FARSB: variants seen among roughly 807,000 people sequenced by gnomAD.
FARSB encodes the protein phenylalanyl-tRNA synthetase subunit beta, also known as phenylalanine--tRNA ligase beta subunit.
A neutral mutation model predicts 69.6 loss-of-function variants in FARSB; 40 were observed. The observed-to-expected ratio is 0.57, with a 90% CI of 0.45 to 0.75. FARSB has a LOEUF of 0.75. FARSB is among the 30% of genes least tolerant of loss of function. FARSB has a pLI of 0.00. For synonymous variants in FARSB, 235 were observed against 247.2 expected (o/e 0.95, Z 0.46); for missense variants, 632 against 722.9 (o/e 0.87, Z 1.44).
intron 15 of FARSB, among the ~76,000 whole-genome samples, chr2:222,604,304 T>G (rs1690646266): frequency 6.6e-6 from 1 of 152,180 alleles, no homozygotes; most frequent in Non-Finnish European, 1.5e-5. Flanking sequence ...TTGTGAAACT[T>G]AAGAATTCCA....
At chr2:222,603,161 T>C (rs1690608165) in intron 15 of FARSB, among the ~76,000 whole-genome samples, 1 of 152,172 alleles carries the variant, frequency 6.6e-6, no homozygotes, top group Admixed American at 6.5e-5. Context: ...ATAGAACGAA[T>C]GCTGGCCTCA....
chr2:222,637,233 C>T (rs529271638), intron 5 of FARSB, among the ~76,000 whole-genome samples: 8 of 152,154 alleles, frequency 5.3e-5, no homozygotes, highest in Non-Finnish European at 8.8e-5. Flanking sequence ...CAATAAAGGG[C>T]AGCAATCCCT....
chr2:222,628,741 G>T, intron 10 of FARSB, 96 bp downstream of exon 10: 1 of 796,290 alleles, frequency 1.3e-6, no homozygotes, highest in Non-Finnish European at 2.1e-6. Flanking sequence ...CGGGTGGGTA[G>T]GTAGGGGATG....
intron 15 of FARSB, among the ~76,000 whole-genome samples, chr2:222,603,990 G>A (rs1487341778): frequency 6.6e-6 from 1 of 151,962 alleles, no homozygotes; most frequent in Non-Finnish European, 1.5e-5. Context: ...GCCAAGGCAG[G>A]CGGATCACAA....
At chr2:222,598,655 G>A (rs996209769) in intron 16 of FARSB, among the ~76,000 whole-genome samples, 56 of 152,148 alleles carry the variant, frequency 3.7e-4, no homozygotes. Context: ...TTCTAGGATG[G>A]TAAACTGGTG....
chr2:222,613,694 G>A, intron 15 of FARSB, 117 bp downstream of exon 15: 1 of 615,688 alleles, frequency 1.6e-6, no homozygotes, highest in Non-Finnish European at 2.9e-6. Flanking sequence ...GAAGGTGGGT[G>A]CTGGGTACAT....
chr2:222,650,221 A>G (rs1026155090), intron 1 of FARSB, among the ~76,000 whole-genome samples: 1 of 152,240 alleles, frequency 6.6e-6, no homozygotes, highest in Admixed American at 6.5e-5. Flanking sequence ...CATAAAGTTC[A>G]TATCAGAAGA....
intron 15 of FARSB, among the ~76,000 whole-genome samples, chr2:222,603,248 T>C (rs371282726): frequency 1.3e-5 from 2 of 152,198 alleles, no homozygotes; most frequent in East Asian, 3.8e-4. Context: ...AGCTGCTTCA[T>C]GTTAGCATAC....
intron 10 of FARSB, 93 bp from the exon 11 acceptor site, chr2:222,624,868 T>A: frequency 1.4e-6 from 1 of 712,946 alleles, no homozygotes; most frequent in Admixed American, 3.0e-5. Context: ...TCTATTACGT[T>A]CCCAAGAAAT....
chr2:222,628,811 C>A (rs768683985), intron 10 of FARSB, 26 bp downstream of exon 10: 3 of 1,487,098 alleles, frequency 2.0e-6, no homozygotes, highest in Non-Finnish European at 2.8e-6. Context: ...TTGTCATAAT[C>A]ATGAAGTCAT....
At chr2:222,631,422 G>A (rs989582688) in intron 8 of FARSB, among the ~76,000 whole-genome samples, 182 bp downstream of exon 8, 3 of 152,062 alleles carry the variant, frequency 2.0e-5, no homozygotes, top group South Asian at 2.1e-4. Flanking sequence ...AACATTTGTC[G>A]AATTAATGAA....
intron 5 of FARSB, 147 bp from the exon 6 acceptor site, chr2:222,634,688 A>G: frequency 3.6e-6 from 2 of 548,366 alleles, no homozygotes; most frequent in Non-Finnish European, 6.1e-6. Flanking sequence ...CTTCCCTGAA[A>G]CAGCATATTG....
At chr2:222,604,722 A>G (rs976784530) in intron 15 of FARSB, among the ~76,000 whole-genome samples, 37 of 110,716 alleles carry the variant, frequency 3.3e-4, no homozygotes, top group Non-Finnish European at 1.9e-4. Context: ...TGCCCACTGA[A>G]TTTTTTTTTT....
intron 16 of FARSB, among the ~76,000 whole-genome samples, chr2:222,588,473 C>T (rs1284214404): frequency 6.6e-6 from 1 of 152,176 alleles, no homozygotes; most frequent in African/African-American, 2.4e-5. Flanking sequence ...CCCTCTCTCA[C>T]CACTCCTATT....
intron 15 of FARSB, among the ~76,000 whole-genome samples, chr2:222,603,682 TTATATATTATTA>T (rs1285202512): frequency 1.1e-4 from 8 of 75,822 alleles, no homozygotes; most frequent in East Asian, 3.6e-4. Context: ...TAATATTATA[TTATATATTATTA>T]TATATATTAG....
Position 222,631,612 on chromosome 2 carries a change from A to C in FARSB, c.778T>G (p.Phe260Val), listed in dbSNP as rs750153348. ...NIFIECTGTDFTKAKIVLDII... is the reference protein window; with the variant it reads ...NIFIECTGTDVTKAKIVLDII... ...GTAAAAGTTTTACTTACCTTAGTAA[A>C]GTCAGTTCCCGTGCATTCAATAAAA... The change falls in exon 8 of 17, where the codon TTT (phenylalanine) becomes GTT (valine). Residue 260 changes from phenylalanine to valine, a missense_variant. Coordinates refer to ENST00000281828, the MANE Select transcript of FARSB (RefSeq NM_005687.5). 1 of 1,537,032 alleles carries C rather than the reference A, an allele frequency of 6.5e-7. No homozygotes were observed. Among genetic ancestry groups the C allele is most frequent in the Non-Finnish European group, 9.0e-7 (1 of 1,110,454 alleles).
intron 10 of FARSB, 112 bp downstream of exon 10, chr2:222,628,725 G>C: frequency 1.4e-6 from 1 of 714,412 alleles, no homozygotes; most frequent in Non-Finnish European, 2.5e-6. Flanking sequence ...TGTAGCGCCT[G>C]GCACACGGGT....
In FARSB at chr2:222,569,954, C is replaced by G. The variant is rs890178614; in HGVS notation, c.*1917G>C. 6.6e-6 allele frequency among the ~76,000 whole-genome samples: 1 copy of G among 152,164 alleles called. No homozygotes were observed. Among genetic ancestry groups the G allele is most frequent in the Non-Finnish European group, 1.5e-5 (1 of 68,020 alleles). ...GATGGTAGGTGTATGTTTCAAGAGA[C>G]TGCCAAGCTGTTTTCTAAAGTCACA... On this transcript the variant is annotated 3_prime_UTR_variant, in exon 17 of 17. Coordinates refer to ENST00000281828, the MANE Select transcript of FARSB (RefSeq NM_005687.5).
chr2:222,603,514 A>G (rs961401383), intron 15 of FARSB, among the ~76,000 whole-genome samples: 7 of 151,802 alleles, frequency 4.6e-5, no homozygotes, highest in Non-Finnish European at 8.8e-5. Context: ...CAATTTATCT[A>G]TAATCTTATT....
Sources: allele counts gnomAD v4.1 joint callset (sites outside exome capture counted in the v4.1 genomes callset), GRCh38; gene constraint gnomAD v4.1.1; transcripts MANE v1.5; gene names NCBI Gene and HGNC (gene_info 2026-07-23, HGNC 2026-07-21).